PELI2: variants seen among roughly 807,000 people sequenced by gnomAD.
The protein encoded by PELI2 is pellino E3 ubiquitin protein ligase family member 2, also known as E3 ubiquitin-protein ligase pellino homolog 2.
A neutral mutation model predicts 42.3 loss-of-function variants in PELI2; 23 were observed. That is an observed-to-expected ratio of 0.54 (90% CI 0.39 to 0.77). The LOEUF is 0.77. Among genes scored for constraint, PELI2 ranks in the 30% least tolerant of loss-of-function variants. The pLI, the probability that PELI2 is intolerant of heterozygous loss-of-function variation, is 0.00. For synonymous variants in PELI2, 245 were observed against 212.2 expected (o/e 1.15, Z -1.34); for missense variants, 463 against 553.2 (o/e 0.84, Z 1.64).
At chr14:56,175,012 T>C (rs1885321009) in intron 1 of PELI2, among the ~76,000 whole-genome samples, 1 of 152,294 alleles carries the variant, frequency 6.6e-6, no homozygotes, top group East Asian at 1.9e-4. Context: ...CTTTCTTTTC[T>C]TTTTTGACAG....
At chr14:56,160,202 G>C (rs993922627) in intron 1 of PELI2, among the ~76,000 whole-genome samples, 1 of 152,166 alleles carries the variant, frequency 6.6e-6, no homozygotes, top group South Asian at 2.1e-4. Context: ...TTGGGAGTCA[G>C]TCGAGGCCTC....
chr14:56,125,014 G>A lies in PELI2; in HGVS notation c.77+6277G>A, dbSNP rs372432609. Among the ~76,000 whole-genome samples the A allele has an allele frequency of 1.2e-4, 18 of 152,296 alleles. 1 individual carries two copies. Among genetic ancestry groups the A allele is most frequent in the African/African-American group, 2.9e-4 (12 of 41,554 alleles). ...TCAGGGTTTTGCTAGTATGAGATGG[G>A]AGTGAAGAAAGCCCTCTGCTCTTTG... On this transcript the variant is annotated intron_variant, in intron 1 of 5. Transcript: ENST00000267460.
Position 56,178,469 on chromosome 14 carries a change from G to T in PELI2, c.207+5G>T, listed in dbSNP as rs750520040. 6.2e-7 allele frequency: 1 copy of T among 1,614,156 alleles called. No homozygotes were observed. Among genetic ancestry groups the T allele is most frequent in the Non-Finnish European group, 8.5e-7 (1 of 1,179,990 alleles). On this transcript the variant is annotated splice_donor_5th_base_variant and intron_variant, in intron 2 of 5. Transcript: ENST00000267460. ...TCCACGCCCCAGGCATCCAAGGTAG[G>T]TGGGTCTGTCAAGAGTTGGGAGGGT...
intron 2 of PELI2, among the ~76,000 whole-genome samples, chr14:56,274,245 TC>T (rs1889211971): frequency 1.3e-5 from 2 of 152,220 alleles, no homozygotes; most frequent in Admixed American, 1.3e-4. Context: ...CAGTGATAAA[TC>T]CCATTTTCTC....
chr14:56,225,525 A>G (rs1360992292), intron 2 of PELI2, among the ~76,000 whole-genome samples: 1 of 152,124 alleles, frequency 6.6e-6, no homozygotes, highest in Non-Finnish European at 1.5e-5. Flanking sequence ...GGCTGAATGG[A>G]GCACATTTTC....
At chr14:56,125,459 A>G (rs1387565190) in intron 1 of PELI2, among the ~76,000 whole-genome samples, 1 of 151,908 alleles carries the variant, frequency 6.6e-6, no homozygotes, top group Non-Finnish European at 1.5e-5. Flanking sequence ...GGGATAAGGT[A>G]GTGGGGGATC....
At chr14:56,233,162 G>A (rs1458237036) in intron 2 of PELI2, among the ~76,000 whole-genome samples, 1 of 152,112 alleles carries the variant, frequency 6.6e-6, no homozygotes, top group Non-Finnish European at 1.5e-5. Context: ...TCAATATCGT[G>A]AAATGGCCAT....
At chr14:56,209,826 C>T (rs1193634718) in intron 2 of PELI2, among the ~76,000 whole-genome samples, 1 of 152,204 alleles carries the variant, frequency 6.6e-6, no homozygotes, top group Non-Finnish European at 1.5e-5. Flanking sequence ...TGGGAAGGCC[C>T]TCACTAACTC....
intron 5 of PELI2, among the ~76,000 whole-genome samples, chr14:56,292,027 C>A (rs1294423011): frequency 6.6e-6 from 1 of 152,194 alleles, no homozygotes; most frequent in African/African-American, 2.4e-5. Context: ...CGCCTTTGTC[C>A]AGGAGGGCAT....
chr14:56,183,735 G>C (rs1006033232), intron 2 of PELI2, among the ~76,000 whole-genome samples: 1 of 152,144 alleles, frequency 6.6e-6, no homozygotes, highest in Non-Finnish European at 1.5e-5. Context: ...CAAAGACAGT[G>C]TGATGGTTTT....
Position 56,290,421 on chromosome 14 carries a change from C to T in PELI2, c.661C>T (p.Arg221Ter). The T allele has an allele frequency of 6.2e-7, 1 of 1,607,746 alleles. No individual in the cohort carries two copies. Among genetic ancestry groups the T allele is most frequent in the Non-Finnish European group, 8.5e-7 (1 of 1,175,774 alleles). ...TGTCTGTGGAGATGTGTACACCTTGCGAGAAACCAGGTCGGCCCAGCAACG... is the reference window on the plus strand; with the variant it reads ...TGTCTGTGGAGATGTGTACACCTTGTGAGAAACCAGGTCGGCCCAGCAACG... ...ISVCGDVYTLRETRSAQQRGK... is the reference protein window; with the variant it reads ...ISVCGDVYTL Residue 221 changes from arginine (R) to a stop codon, truncating the protein, a stop_gained, in exon 5 of 6, where the codon CGA (arginine) becomes TGA (stop). Transcript: ENST00000267460. LOFTEE classifies it high-confidence loss of function.
At chr14:56,130,276 G>A (rs1883436567) in intron 1 of PELI2, among the ~76,000 whole-genome samples, 1 of 152,126 alleles carries the variant, frequency 6.6e-6, no homozygotes, top group Non-Finnish European at 1.5e-5. Flanking sequence ...AGGGAGGTAG[G>A]TACCATCACT....
chr14:56,241,864 C>A (rs1046890639), intron 2 of PELI2, among the ~76,000 whole-genome samples: 1 of 152,108 alleles, frequency 6.6e-6, no homozygotes, highest in African/African-American at 2.4e-5. Flanking sequence ...GGAACTAAGA[C>A]ATTTTAGATC....
In PELI2 at chr14:56,146,276, AGACAATGGAAATGGTAATAGTT is replaced by A. The variant is rs1238039651; in HGVS notation, c.77+27540_77+27561del. Reference sequence around the variant, plus strand: ...TGCCTCTTGGTTTTTTGTTAGTGACAGACAATGGAAATGGTAATAGTTTGCCCCATCATGACTCTAAATGCAG... The same window carrying A: ...TGCCTCTTGGTTTTTTGTTAGTGACATGCCCCATCATGACTCTAAATGCAG... On this transcript the variant is annotated intron_variant, in intron 1 of 5. Transcript: ENST00000267460. Among the ~76,000 whole-genome samples, 4 of 152,150 alleles carry A rather than the reference AGACAATGGAAATGGTAATAGTT, an allele frequency of 2.6e-5. No individual in the cohort carries two copies. The East Asian group carries it at 7.7e-4, about 29-fold the overall frequency.
chr14:56,118,653 G>T lies in PELI2; in HGVS notation c.-8G>T. ...TCGGCGGCGGCGTCGGCGGCCGAGC[G>T]GGGCTCCATGTTTTCCCCTGGCCAG... On this transcript the variant is annotated 5_prime_UTR_variant, in exon 1 of 6. Coordinates refer to ENST00000267460, the MANE Select transcript of PELI2 (RefSeq NM_021255.3). 1 of 1,412,640 alleles carries T rather than the reference G, an allele frequency of 7.1e-7. No individual in the cohort carries two copies. The highest frequency in any genetic ancestry group is 9.3e-7 in the Non-Finnish European group (1 of 1,076,672). The allele number at this position is 1,412,640 out of a possible 1,614,324, so 87.5% of individuals were successfully genotyped here. A position where few individuals can be genotyped will look rare whatever the true frequency, so the allele number is the denominator to read the frequency against.
intron 2 of PELI2, among the ~76,000 whole-genome samples, chr14:56,191,893 T>G (rs1301423419): frequency 6.6e-6 from 1 of 152,156 alleles, no homozygotes; most frequent in African/African-American, 2.4e-5. Flanking sequence ...GTACTCACAC[T>G]GCACACCCAG....
chr14:56,286,567 G>A (rs1270595566), intron 3 of PELI2, among the ~76,000 whole-genome samples: 2 of 152,168 alleles, frequency 1.3e-5, no homozygotes, highest in Non-Finnish European at 2.9e-5. Context: ...AAGCACCCTG[G>A]CTTGCGTGCT....
chr14:56,146,940 G>T (rs1884146620), intron 1 of PELI2, among the ~76,000 whole-genome samples: 1 of 152,052 alleles, frequency 6.6e-6, no homozygotes, highest in Non-Finnish European at 1.5e-5. Context: ...GTTCCCTCCT[G>T]CCAGTCTGTG....
chr14:56,170,593 A>G (rs750433458), intron 1 of PELI2, among the ~76,000 whole-genome samples: 3 of 152,226 alleles, frequency 2.0e-5, no homozygotes, highest in Admixed American at 6.5e-5. Flanking sequence ...GTGATCAGCC[A>G]TTCTGAGCCT....
Sources: gnomAD v4.1 joint callset for allele counts (sites outside exome capture counted in the v4.1 genomes callset) on GRCh38, gnomAD v4.1.1 for gene constraint, MANE v1.5 for transcripts, NCBI Gene and HGNC (gene_info 2026-07-23, HGNC 2026-07-21) for gene names.